The following FOCAD variants were observed in gnomAD, a reference collection of about 807,000 sequenced individuals.
The protein encoded by FOCAD is focadhesin.
A neutral mutation model predicts 225.6 loss-of-function variants in FOCAD; 198 were observed. That is an observed-to-expected ratio of 0.88 (90% CI 0.78 to 0.99). The LOEUF (loss-of-function observed/expected upper bound fraction) is 0.99. Ranked by LOEUF, FOCAD falls within the 50% of genes least tolerant of loss-of-function variation. The pLI is 0.00. For missense variants in FOCAD, 2,713 were observed against 2,123.6 expected (o/e 1.28, Z -5.46); for synonymous variants, 897 against 755.0 (o/e 1.19, Z -3.08).
chr9:20,761,498 G>A (rs1394970537), intron 6 of FOCAD, among the ~76,000 whole-genome samples: 1 of 151,906 alleles, frequency 6.6e-6, no homozygotes, highest in African/African-American at 2.4e-5. Flanking sequence ...TCGGCTCATT[G>A]CAACCTCTGC....
At chr9:20,976,376 T>G in intron 35 of FOCAD, 44 bp from the exon 36 acceptor site, 1 of 1,593,248 alleles carries the variant, frequency 6.3e-7, no homozygotes. Flanking sequence ...ACTTCCATGA[T>G]AGTATGCAGG....
At chr9:20,712,241 G>C (rs921208041) in intron 1 of FOCAD, among the ~76,000 whole-genome samples, 3 of 152,100 alleles carry the variant, frequency 2.0e-5, no homozygotes, top group African/African-American at 7.2e-5. Context: ...CACAAAACTT[G>C]GTTCCCCATG....
intron 35 of FOCAD, among the ~76,000 whole-genome samples, chr9:20,957,904 A>T (rs527706655): frequency 6.6e-6 from 1 of 151,862 alleles, no homozygotes; most frequent in Non-Finnish European, 1.5e-5. Flanking sequence ...GAGTCCAAGG[A>T]TTTGGTGACT....
At position 20,929,340 on chromosome 9, in the gene FOCAD, T is replaced by C. The variant is rs773460028; in HGVS notation, c.3079-18T>C. The C allele has an allele frequency of 6.2e-7, 1 of 1,604,890 alleles. No individual in the cohort carries two copies. Among genetic ancestry groups the C allele is most frequent in the Non-Finnish European group, 8.5e-7 (1 of 1,172,070 alleles). ...ATGTTTAAGGCTAACCCTGTTTTCT[T>C]TCTTTGGCATGTCCTAGAAGTCCTA... On this transcript the variant is annotated intron_variant, in intron 26 of 43. Coordinates refer to ENST00000338382, the MANE Select transcript of FOCAD (RefSeq NM_001375567.1).
At chr9:20,669,278 C>T (rs182306890) in intron 2 of FOCAD, among the ~76,000 whole-genome samples, 3 of 152,254 alleles carry the variant, frequency 2.0e-5, no homozygotes, top group Admixed American at 2.0e-4. Flanking sequence ...CTTACACTAG[C>T]CCTTCCTTTA....
intron 10 of FOCAD, among the ~76,000 whole-genome samples, chr9:20,785,756 CTT>C (rs1288312422): frequency 6.6e-6 from 1 of 152,050 alleles, no homozygotes; most frequent in Non-Finnish European, 1.5e-5. Flanking sequence ...TTTCATTTCT[CTT>C]GAGTAGATAC....
intron 18 of FOCAD, among the ~76,000 whole-genome samples, chr9:20,867,767 A>C (rs538783128): frequency 6.6e-6 from 1 of 152,210 alleles, no homozygotes; most frequent in East Asian, 1.9e-4. Flanking sequence ...AGATGAAGTT[A>C]CGTGTAACAT....
intron 22 of FOCAD, among the ~76,000 whole-genome samples, chr9:20,910,203 C>G (rs1032959847): frequency 1.3e-5 from 2 of 152,040 alleles, no homozygotes; most frequent in Non-Finnish European, 2.9e-5. Context: ...TAGAAGCCAA[C>G]TGACAGTACA....
chr9:20,862,927 G>C (rs1029193905), intron 16 of FOCAD: 1 of 371,718 alleles, frequency 2.7e-6, no homozygotes, highest in Non-Finnish European at 4.7e-6. Context: ...TTAATTATGA[G>C]AGTATTGTCA....
At chr9:20,671,986 T>G (rs1324705661) in intron 2 of FOCAD, among the ~76,000 whole-genome samples, 2 of 152,136 alleles carry the variant, frequency 1.3e-5, no homozygotes, top group African/African-American at 2.4e-5. Flanking sequence ...TTGTAGTTTT[T>G]TTTTTTTTTT....
At chr9:20,699,057 G>A (rs1823622722) in intron 1 of FOCAD, among the ~76,000 whole-genome samples, 1 of 152,158 alleles carries the variant, frequency 6.6e-6, no homozygotes, top group Non-Finnish European at 1.5e-5. Flanking sequence ...CAGCTTCATG[G>A]TGCTAAAGTT....
chr9:20,977,314 A>T (rs1564232192), intron 36 of FOCAD, among the ~76,000 whole-genome samples: 1 of 152,196 alleles, frequency 6.6e-6, no homozygotes, highest in East Asian at 1.9e-4. Context: ...CTTCTTTGTC[A>T]TATAAGGTAG....
intron 1 of FOCAD, among the ~76,000 whole-genome samples, chr9:20,703,286 G>A (rs534927417): frequency 1.3e-5 from 2 of 152,052 alleles, no homozygotes; most frequent in Admixed American, 6.6e-5. Context: ...AGGCTGAGGG[G>A]CCTGAGAGTT....
At chr9:20,980,448 G>A (rs920983727) in intron 37 of FOCAD, among the ~76,000 whole-genome samples, 3 of 151,982 alleles carry the variant, frequency 2.0e-5, no homozygotes, top group African/African-American at 4.8e-5. Flanking sequence ...TTTTAGATCT[G>A]TGCTACTCTG....
At chr9:20,962,779 T>C (rs571680568) in intron 35 of FOCAD, among the ~76,000 whole-genome samples, 3 of 152,320 alleles carry the variant, frequency 2.0e-5, no homozygotes, top group Non-Finnish European at 1.5e-5. Context: ...TTTTACAACA[T>C]CTGGATCTTT....
chr9:20,819,404 G>A (rs1380072689), intron 11 of FOCAD, among the ~76,000 whole-genome samples: 1 of 151,992 alleles, frequency 6.6e-6, no homozygotes, highest in Non-Finnish European at 1.5e-5. Context: ...TGTAGAGACA[G>A]GGTCTTCCTG....
chr9:20,707,750 G>A (rs754298838), intron 1 of FOCAD, among the ~76,000 whole-genome samples: 1 of 152,140 alleles, frequency 6.6e-6, no homozygotes, highest in Non-Finnish European at 1.5e-5. Context: ...GAAAAGCCAC[G>A]TATAAGTGGA....
At chr9:20,923,585 C>T (rs1214208996) in intron 24 of FOCAD, 75 bp from the exon 25 acceptor site, 2 of 1,092,074 alleles carry the variant, frequency 1.8e-6, no homozygotes, top group African/African-American at 1.6e-5. Context: ...CTTCACCTGC[C>T]CTCCTATATT....
chr9:20,747,268 A>T (rs1828122411), intron 5 of FOCAD, among the ~76,000 whole-genome samples: 9 of 152,138 alleles, frequency 5.9e-5, no homozygotes, highest in Admixed American at 5.9e-4. Context: ...TCAATCAAGG[A>T]TATTAAGGAG....
Sources: gnomAD v4.1 joint callset for allele counts (sites outside exome capture counted in the v4.1 genomes callset) on GRCh38, gnomAD v4.1.1 for gene constraint, MANE v1.5 for transcripts, NCBI Gene and HGNC (gene_info 2026-07-23, HGNC 2026-07-21) for gene names.